SUCLG2: variants seen among roughly 807,000 people sequenced by gnomAD.
SUCLG2 encodes the protein succinate--CoA ligase [GDP-forming] subunit beta, mitochondrial.
A neutral mutation model predicts 47.9 loss-of-function variants in SUCLG2; 42 were observed. The ratio of observed to expected loss-of-function variants is 0.88; its 90% CI spans 0.69 to 1.14. The LOEUF (loss-of-function observed/expected upper bound fraction) is 1.14, where lower values mean the gene tolerates loss of function less well. SUCLG2 is among the 50% of genes most tolerant of loss of function. The pLI is 0.00. For missense variants in SUCLG2, 571 were observed against 525.9 expected, an observed-to-expected ratio of 1.09 and a Z score of -0.84; for synonymous variants, 195 against 197.3, an observed-to-expected ratio of 0.99 and a Z score of 0.10.
At chr3:67,652,159 TG>T (rs1369007078) in intron 1 of SUCLG2, among the ~76,000 whole-genome samples, 1 of 124,272 alleles carries the variant, frequency 8.0e-6, no homozygotes, top group African/African-American at 3.1e-5. Flanking sequence ...ACAGCAAAGG[TG>T]AAAAAAAAAA....
intron 1 of SUCLG2, among the ~76,000 whole-genome samples, chr3:67,620,450 T>G (rs915967695): frequency 6.6e-6 from 1 of 151,538 alleles, no homozygotes; most frequent in Admixed American, 6.6e-5. Flanking sequence ...CTGGGCGTGG[T>G]GGCACGCACC....
intron 1 of SUCLG2, among the ~76,000 whole-genome samples, chr3:67,648,229 C>T (rs190054778): frequency 1.3e-5 from 2 of 152,232 alleles, no homozygotes; most frequent in Admixed American, 6.5e-5. Context: ...ATTTGAACTC[C>T]GTTGAATTTG....
chr3:67,610,508 G>T, intron 1 of SUCLG2, among the ~76,000 whole-genome samples: 1 of 124,318 alleles, frequency 8.0e-6, no homozygotes. Context: ...TTAAAAGAAG[G>T]AAAAAAAAAA....
chr3:67,651,714 T>C (rs1014906581), intron 1 of SUCLG2, among the ~76,000 whole-genome samples: 3 of 152,198 alleles, frequency 2.0e-5, no homozygotes, highest in African/African-American at 7.2e-5. Context: ...TTTATGAAAA[T>C]TCATCAAGTT....
intron 10 of SUCLG2, among the ~76,000 whole-genome samples, chr3:67,382,196 C>A (rs1575658912): frequency 6.6e-6 from 1 of 152,188 alleles, no homozygotes; most frequent in Non-Finnish European, 1.5e-5. Flanking sequence ...TTACAAGTAT[C>A]ATGAAACTTA....
intron 10 of SUCLG2, among the ~76,000 whole-genome samples, chr3:67,383,405 A>G (rs567280191): frequency 6.6e-6 from 1 of 152,190 alleles, no homozygotes; most frequent in East Asian, 1.9e-4. Flanking sequence ...TTTCTCCTTG[A>G]ATGTGAATCA....
At chr3:67,504,400 G>A (rs1038499825) in intron 7 of SUCLG2, among the ~76,000 whole-genome samples, 2 of 152,186 alleles carry the variant, frequency 1.3e-5, no homozygotes, top group African/African-American at 4.8e-5. Flanking sequence ...TCAATCCGAA[G>A]AAAGAAAGGA....
chr3:67,502,343 T>TCTTACTATCTACA (rs1705517292), intron 7 of SUCLG2, among the ~76,000 whole-genome samples: 1 of 152,248 alleles, frequency 6.6e-6, no homozygotes, highest in Admixed American at 6.5e-5. Flanking sequence ...ATCTACAATG[T>TCTTACTATCTACA]TGTGCCATCT....
intron 2 of SUCLG2, among the ~76,000 whole-genome samples, chr3:67,558,990 A>AT (rs1254314906): frequency 6.6e-6 from 1 of 152,210 alleles, no homozygotes; most frequent in Non-Finnish European, 1.5e-5. Flanking sequence ...AAAATCCTTG[A>AT]TTTTATTAGT....
chr3:67,523,803 G>A (rs1706184604), intron 4 of SUCLG2, among the ~76,000 whole-genome samples: 1 of 152,160 alleles, frequency 6.6e-6, no homozygotes. Context: ...CTAATGCAGA[G>A]TTAGTTTAGA....
intron 9 of SUCLG2, among the ~76,000 whole-genome samples, chr3:67,422,023 GGAA>G (rs1703170623): frequency 6.6e-6 from 1 of 152,166 alleles, no homozygotes; most frequent in South Asian, 2.1e-4. Context: ...CTTCAAGGCA[GGAA>G]GAAGTTTACT....
chr3:67,541,618 C>G (rs779907431), intron 2 of SUCLG2, among the ~76,000 whole-genome samples: 3 of 152,140 alleles, frequency 2.0e-5, no homozygotes, highest in Non-Finnish European at 4.4e-5. Flanking sequence ...GAATACTTCC[C>G]CAACCTAGCA....
intron 4 of SUCLG2, among the ~76,000 whole-genome samples, chr3:67,524,673 T>C (rs1228123311): frequency 6.6e-6 from 1 of 152,088 alleles, no homozygotes; most frequent in Non-Finnish European, 1.5e-5. Context: ...GAAGATGGAG[T>C]AGACATGTTT....
At chr3:67,634,423 TA>T (rs1395448330) in intron 1 of SUCLG2, among the ~76,000 whole-genome samples, 1 of 152,214 alleles carries the variant, frequency 6.6e-6, no homozygotes, top group African/African-American at 2.4e-5. Context: ...AAAATTTTTT[TA>T]AGAGTATATG....
intron 2 of SUCLG2, among the ~76,000 whole-genome samples, chr3:67,554,217 A>G (rs1707096698): frequency 6.6e-6 from 1 of 152,218 alleles, no homozygotes; most frequent in African/African-American, 2.4e-5. Flanking sequence ...AGGATGTGCT[A>G]CTACATGTTT....
intron 2 of SUCLG2, among the ~76,000 whole-genome samples, chr3:67,592,532 C>G (rs1708188212): frequency 6.6e-6 from 1 of 151,988 alleles, no homozygotes; most frequent in Admixed American, 6.6e-5. Flanking sequence ...GCAAGTTATT[C>G]AAGATTACAA....
rs1702019266 is a variant in SUCLG2, at chr3:67,375,634, T to C, written c.*110A>G. On this transcript the variant is annotated 3_prime_UTR_variant, in exon 11 of 11. Transcript: ENST00000307227. The stretch of plus-strand genomic sequence containing the variant: ...TAAGATTTTTCAGTGATTCTTGCCT[T>C]CCCCCTCCCCTTTTCTTCCCCAATG... 1.4e-6 allele frequency: 2 copies of C among 1,447,934 alleles called. No individual in the cohort carries two copies. Among genetic ancestry groups the C allele is most frequent in the Admixed American group, 2.7e-5 (1 of 37,086 alleles). The allele number at this position is 1,447,934 out of a possible 1,614,324, so 89.7% of individuals were successfully genotyped here.
At chr3:67,465,610 T>C (rs993065483) in intron 9 of SUCLG2, among the ~76,000 whole-genome samples, 2 of 152,174 alleles carry the variant, frequency 1.3e-5, no homozygotes, top group African/African-American at 2.4e-5. Flanking sequence ...CCTGGGCTGC[T>C]CCCAGCCGAG....
In SUCLG2 at chr3:67,518,259, A is replaced by T; in HGVS notation, c.648T>A (p.Pro216=). ...RMAENLGFVG[P]LKSQAADQIT... is the part of the protein sequence containing the mutation. Reference sequence around the variant, plus strand: ...ATGGCTTATATACCTGGCTTTTCAAAGGCCCAACGAAGCCTAGATTTTCGG... The same window carrying T: ...ATGGCTTATATACCTGGCTTTTCAATGGCCCAACGAAGCCTAGATTTTCGG... The change falls in exon 6 of 11, where the codon CCT becomes CCA. Residue 216 remains proline, a synonymous_variant. Coordinates refer to ENST00000307227, the MANE Select transcript of SUCLG2 (RefSeq NM_003848.4). 1 of 1,611,290 alleles carries T rather than the reference A, an allele frequency of 6.2e-7. No homozygotes were observed.
Sources: gnomAD v4.1 joint callset for allele counts (sites outside exome capture counted in the v4.1 genomes callset) on GRCh38, gnomAD v4.1.1 for gene constraint, MANE v1.5 for transcripts, NCBI Gene and HGNC (gene_info 2026-07-23, HGNC 2026-07-21) for gene names.